The following CC2D2A variants were observed in gnomAD, a reference collection of about 807,000 sequenced individuals.
CC2D2A encodes coiled-coil and C2 domain-containing protein 2A.
In CC2D2A, 155 loss-of-function variants were observed where a neutral mutation model predicts 212.9. The observed-to-expected ratio is 0.73, with a 90% CI of 0.64 to 0.83. CC2D2A has a LOEUF of 0.83. Ranked by LOEUF, CC2D2A falls within the 40% of genes least tolerant of loss-of-function variation. CC2D2A has a pLI of 0.00. For synonymous variants in CC2D2A, 667 were observed against 686.5 expected (o/e 0.97, Z 0.44); for missense variants, 1,856 against 1,956.2 (o/e 0.95, Z 0.97).
Position 15,550,848 on chromosome 4 carries a change from A to T in CC2D2A, c.2206A>T (p.Ser736Cys), listed in dbSNP as rs1308459948. 1.3e-6 allele frequency: 2 copies of T among 1,589,722 alleles called. No individual in the cohort carries two copies. Among genetic ancestry groups the T allele is most frequent in the African/African-American group, 1.3e-5 (1 of 74,644 alleles). Residue 736 changes from serine to cysteine, a missense_variant, in exon 18 of 37, where the codon AGT (serine) becomes TGT (cysteine). Ser to Cys is a moderately radical substitution (Grantham distance 112). Transcript: ENST00000424120. ...LQVYETVGHS[S>C]PTLLAEVFLP... ...GGTCTATGAAACTGTCGGACACAGT[A>T]GTCCCACCTTGCTAGCAGAAGTGTT...
At chr4:15,556,130 A>G (rs954694770) in intron 20 of CC2D2A, among the ~76,000 whole-genome samples, 12 of 152,360 alleles carry the variant, frequency 7.9e-5, no homozygotes, top group East Asian at 5.8e-4. Context: ...TTGGAACATT[A>G]GTTTATTTTT....
chr4:15,519,766 A>G (rs1240380091), intron 11 of CC2D2A: 1 of 390,062 alleles, frequency 2.6e-6, no homozygotes, highest in Non-Finnish European at 5.1e-6. Flanking sequence ...TTCATTCACC[A>G]TCATAAGAAC....
chr4:15,522,266 T>G (rs560447852), intron 11 of CC2D2A, among the ~76,000 whole-genome samples: 1 of 152,298 alleles, frequency 6.6e-6, no homozygotes, highest in South Asian at 2.1e-4. Context: ...AAACAAAAGT[T>G]GGCATTTCCT....
rs751376075 is a variant in CC2D2A at position 15,557,527 on chromosome 4, G to A, written c.2829+20G>A. 18 of 1,525,864 alleles carry A rather than the reference G, an allele frequency of 1.2e-5. No homozygotes were observed. Among genetic ancestry groups the A allele is most frequent in the Non-Finnish European group, 1.6e-5 (18 of 1,123,012 alleles). 94.5% of individuals were successfully genotyped at this position (1,525,864 alleles called of 1,614,324 possible). A position where few individuals can be genotyped will look rare whatever the true frequency, so the allele number is the denominator to read the frequency against. Reference sequence around the variant, plus strand: ...TTCCAGGTAAGAAACTGCCATAGAGGGGTTAATAAAATAATAAAGTACCTA... The same window carrying A: ...TTCCAGGTAAGAAACTGCCATAGAGAGGTTAATAAAATAATAAAGTACCTA... On this transcript the variant is annotated intron_variant, in intron 21 of 36. Transcript: ENST00000424120.
rs768277071 is a variant in CC2D2A, at chr4:15,537,032, T to A, written c.1720T>A (p.Tyr574Asn). The A allele has an allele frequency of 5.6e-6, 9 of 1,613,690 alleles. No homozygotes were observed. The highest frequency in any genetic ancestry group is 1.1e-5 in the South Asian group (1 of 91,034). ...TEEYAQKMEEYRTSLQQWKAW... is the reference protein window; with the variant it reads ...TEEYAQKMEENRTSLQQWKAW... ...GGAGTACGCACAGAAGATGGAAGAA[T>A]ACAGAACGTCGTTACAACAGTGGAA... Residue 574 changes from tyrosine (Y) to asparagine (N), a missense_variant, in exon 15 of 37, where the codon TAC (tyrosine) becomes AAC (asparagine). Coordinates refer to ENST00000424120, the MANE Select transcript of CC2D2A (RefSeq NM_001378615.1).
chr4:15,530,498 T>G (rs572249201), intron 13 of CC2D2A, among the ~76,000 whole-genome samples: 12 of 152,214 alleles, frequency 7.9e-5, no homozygotes, highest in Non-Finnish European at 1.8e-4. Flanking sequence ...AAAGCTATTC[T>G]GAAAGCAATT....
At chr4:15,521,231 G>GGA (rs2109018117) in intron 11 of CC2D2A, among the ~76,000 whole-genome samples, 1 of 152,264 alleles carries the variant, frequency 6.6e-6, no homozygotes, top group African/African-American at 2.4e-5. Flanking sequence ...GTTAAATGGA[G>GGA]GAGATATTAT....
At chr4:15,551,799 CTT>C (rs1285708532) in intron 18 of CC2D2A, among the ~76,000 whole-genome samples, 2 of 152,064 alleles carry the variant, frequency 1.3e-5, no homozygotes, top group Non-Finnish European at 2.9e-5. Flanking sequence ...TCTGTTGCCT[CTT>C]GTTTATGGTG....
intron 11 of CC2D2A, 63 bp downstream of exon 11, chr4:15,516,819 G>C: frequency 6.6e-7 from 1 of 1,507,638 alleles, no homozygotes; most frequent in South Asian, 1.3e-5. Context: ...TTTCTGAATA[G>C]CTTGGGGTGC....
intron 30 of CC2D2A, among the ~76,000 whole-genome samples, chr4:15,581,048 G>A (rs1363619703): frequency 6.6e-6 from 1 of 152,150 alleles, no homozygotes; most frequent in Admixed American, 6.5e-5. Flanking sequence ...ATGTTAACCA[G>A]GCTAATTTTA....
intron 15 of CC2D2A, among the ~76,000 whole-genome samples, chr4:15,537,294 C>A (rs1042046601): frequency 3.3e-5 from 5 of 152,220 alleles, no homozygotes; most frequent in Admixed American, 6.5e-5. Context: ...ATACCAGAGC[C>A]AGCTGTGTCC....
intron 7 of CC2D2A, 90 bp downstream of exon 7, chr4:15,510,330 T>C (rs1405449291): frequency 9.0e-7 from 1 of 1,116,050 alleles, no homozygotes; most frequent in Non-Finnish European, 1.3e-6. Flanking sequence ...GTGTGGTGGC[T>C]CACGCCTGCA....
At chr4:15,474,892 C>A (rs1169733238) in intron 1 of CC2D2A, among the ~76,000 whole-genome samples, 2 of 152,050 alleles carry the variant, frequency 1.3e-5, no homozygotes, top group Non-Finnish European at 2.9e-5. Context: ...AATAAAAAAA[C>A]AAACTGGAAA....
chr4:15,554,968 G>T (rs893177708), intron 19 of CC2D2A, 104 bp from the exon 20 acceptor site: 43 of 1,123,732 alleles, frequency 3.8e-5, no homozygotes, highest in Non-Finnish European at 5.1e-5. Context: ...TTCTCTCATG[G>T]AGGATAATAG....
chr4:15,566,546 G>A (rs1719888587), intron 24 of CC2D2A, among the ~76,000 whole-genome samples: 1 of 152,098 alleles, frequency 6.6e-6, no homozygotes, highest in Non-Finnish European at 1.5e-5. Context: ...CATGGAAGTT[G>A]GGGAAGGCTC....
At chr4:15,512,311 C>G (rs1256953447) in intron 8 of CC2D2A, among the ~76,000 whole-genome samples, 4 of 152,086 alleles carry the variant, frequency 2.6e-5, no homozygotes, top group Non-Finnish European at 5.9e-5. Flanking sequence ...AGAAGCAACC[C>G]AAGTGTTCAT....
chr4:15,571,380 G>C (rs1720154613), intron 28 of CC2D2A, among the ~76,000 whole-genome samples: 1 of 152,132 alleles, frequency 6.6e-6, no homozygotes, highest in African/African-American at 2.4e-5. Flanking sequence ...CTCTAATCTA[G>C]GACAGTTAAA....
At chr4:15,551,075 T>A in intron 18 of CC2D2A, 95 bp downstream of exon 18, 1 of 1,084,270 alleles carries the variant, frequency 9.2e-7, no homozygotes, top group South Asian at 2.8e-5. Flanking sequence ...CATAGAATTA[T>A]AAAATTGATA....
chr4:15,475,287 T>A (rs1714119888), intron 1 of CC2D2A, among the ~76,000 whole-genome samples: 1 of 152,020 alleles, frequency 6.6e-6, no homozygotes, highest in South Asian at 2.1e-4. Context: ...AGAAAAAGTG[T>A]AGGGGGCAGG....
Sources: allele counts gnomAD v4.1 joint callset (sites outside exome capture counted in the v4.1 genomes callset), GRCh38; gene constraint gnomAD v4.1.1; transcripts MANE v1.5; gene names NCBI Gene and HGNC (gene_info 2026-07-23, HGNC 2026-07-21).